SCAP: variants seen among roughly 807,000 people sequenced by gnomAD.
The protein encoded by SCAP is SREBF chaperone.
A neutral mutation model predicts 123.6 loss-of-function variants in SCAP; 65 were observed. The observed-to-expected ratio is 0.53, with a 90% CI of 0.43 to 0.65. The LOEUF is 0.65. SCAP is among the 30% of genes least tolerant of loss of function. The pLI is 0.00. For synonymous variants in SCAP, 740 were observed against 726.3 expected, an observed-to-expected ratio of 1.02 and a Z score of -0.30; for missense variants, 1,398 against 1,712.5, an observed-to-expected ratio of 0.82 and a Z score of 3.24.
At position 47,419,678 on chromosome 3, in the gene SCAP, G is replaced by C; in HGVS notation, c.1590C>G (p.Ile530Met). ...IMAGTVVWIGILVYTDPAGLR... is the reference protein window; with the variant it reads ...IMAGTVVWIGMLVYTDPAGLR... ...GCCCTGCTGGGTCTGTGTATACCAG[G>C]ATGCCAATCCAGACAACGGTGCCAG... Residue 530 changes from isoleucine (I) to methionine (M), a missense_variant, in exon 13 of 23, where the codon ATC becomes ATG. Transcript: ENST00000265565. The surrounding 1 kb of genome is among the most constrained non-coding windows in gnomAD (Gnocchi z 5.0). 2 of 1,526,648 alleles carry C rather than the reference G, an allele frequency of 1.3e-6. No homozygotes were observed. The highest frequency in any genetic ancestry group is 1.4e-5 in the African/African-American group (1 of 72,410). The allele number at this position is 1,526,648 out of a possible 1,614,324, so 94.6% of individuals were successfully genotyped here. A position where few individuals can be genotyped will look rare whatever the true frequency, so the allele number is the denominator to read the frequency against.
chr3:47,420,254 A>G lies in SCAP; in HGVS notation c.1563+300T>C, dbSNP rs1276717494. ...CCCGACCCAGGGCAATGTGGTGGCCACAAGTGGGTCCATCCCAGAGCACTC... is the reference window on the plus strand; with the variant it reads ...CCCGACCCAGGGCAATGTGGTGGCCGCAAGTGGGTCCATCCCAGAGCACTC... On this transcript the variant is annotated intron_variant, in intron 12 of 22. Transcript: ENST00000265565. The surrounding 1 kb of genome is among the most constrained non-coding windows in gnomAD (Gnocchi z 5.0). Among the ~76,000 whole-genome samples, 1 of 152,210 alleles carries G rather than the reference A, an allele frequency of 6.6e-6. No individual in the cohort carries two copies. Among genetic ancestry groups the G allele is most frequent in the Admixed American group, 6.5e-5 (1 of 15,286 alleles).
At chr3:47,418,287 C>T in intron 15 of SCAP, 34 bp downstream of exon 15, 1 of 1,552,998 alleles carries the variant, frequency 6.4e-7, no homozygotes, top group Non-Finnish European at 8.7e-7. Flanking sequence ...CAGGCTCCGG[C>T]CCTCCCCTAC....
chr3:47,460,644 C>T (rs1021947790), intron 1 of SCAP, among the ~76,000 whole-genome samples: 4 of 152,058 alleles, frequency 2.6e-5, no homozygotes, highest in African/African-American at 4.8e-5. Flanking sequence ...CCTCTGCCCC[C>T]GCCCCCAGGT....
chr3:47,432,314 G>GAAAA (rs11308011), intron 3 of SCAP, among the ~76,000 whole-genome samples: 9 of 75,598 alleles, frequency 1.2e-4, no homozygotes, highest in Admixed American at 1.7e-4. Flanking sequence ...ACTCCGTCTT[G>GAAAA]AAAAAAAAAA....
intron 1 of SCAP, among the ~76,000 whole-genome samples, chr3:47,454,671 C>G (rs1238617832): frequency 6.6e-6 from 1 of 151,896 alleles, no homozygotes; most frequent in South Asian, 2.1e-4. Flanking sequence ...TCGCTTGAAC[C>G]CAGGAGGCAG....
In SCAP at chr3:47,425,612, C is replaced by A; in HGVS notation, c.911-1G>T. ...TTGGACTTGACCATGTCGATCTTCCCTGGAGGGCAGAGAGGGCGTATCAGG... is the reference window on the plus strand; with the variant it reads ...TTGGACTTGACCATGTCGATCTTCCATGGAGGGCAGAGAGGGCGTATCAGG... On this transcript the variant is annotated splice_acceptor_variant, in intron 7 of 22. Coordinates refer to ENST00000265565, the MANE Select transcript of SCAP (RefSeq NM_012235.4). LOFTEE classifies it high-confidence loss of function. 1 of 1,613,946 alleles carries A rather than the reference C, an allele frequency of 6.2e-7. No homozygotes were observed. The highest frequency in any genetic ancestry group is 8.5e-7 in the Non-Finnish European group (1 of 1,180,012).
rs1559533881 is a variant in SCAP at position 47,414,094 on chromosome 3, C to G, written c.3600G>C (p.Leu1200=). The part of the protein sequence containing the change: ...GIKFYSIQQD[L]GCGASLGVIS... Reference sequence around the variant, plus strand: ...TGACACCCAAGCTTGCACCACAGCCCAGGTCCTGGAGGCAAGGACATGACA... The same window carrying G: ...TGACACCCAAGCTTGCACCACAGCCGAGGTCCTGGAGGCAAGGACATGACA... The change falls in exon 23 of 23, where the codon CTG becomes CTC. Residue 1200 remains leucine, a synonymous_variant. Coordinates refer to ENST00000265565, the MANE Select transcript of SCAP (RefSeq NM_012235.4). 6.2e-7 allele frequency: 1 copy of G among 1,613,458 alleles called. No homozygotes were observed. Among genetic ancestry groups the G allele is most frequent in the Non-Finnish European group, 8.5e-7 (1 of 1,180,028 alleles).
intron 18 of SCAP, 59 bp downstream of exon 18, chr3:47,417,063 G>T: frequency 6.8e-7 from 1 of 1,469,102 alleles, no homozygotes; most frequent in Non-Finnish European, 9.5e-7. Flanking sequence ...AGACTCAAGA[G>T]AGTATGGCCT....
At chr3:47,425,687 G>C in intron 7 of SCAP, 76 bp from the exon 8 acceptor site, 1 of 1,526,902 alleles carries the variant, frequency 6.5e-7, no homozygotes, top group South Asian at 1.2e-5. Context: ...GGAGTAGGTT[G>C]CCCTGACAGT....
Position 47,426,471 on chromosome 3 carries a change from G to A in SCAP, c.738-302C>T, listed in dbSNP as rs1320361112. ...TTTTATTTTTTGAGACAAGAGTCTCGCTGTCGCCCAGGCTGGAGTGCAGTG... is the reference window on the plus strand; with the variant it reads ...TTTTATTTTTTGAGACAAGAGTCTCACTGTCGCCCAGGCTGGAGTGCAGTG... On this transcript the variant is annotated intron_variant, in intron 6 of 22. Coordinates refer to ENST00000265565, the MANE Select transcript of SCAP (RefSeq NM_012235.4). Among the ~76,000 whole-genome samples the A allele has an allele frequency of 6.6e-5, 10 of 151,778 alleles. 1 individual carries two copies. Among genetic ancestry groups the A allele is most frequent in the Admixed American group, 2.6e-4 (4 of 15,238 alleles).
rs1559541394 is a variant in SCAP, at chr3:47,419,344, T to C, written c.1924A>G (p.Ile642Val). The C allele has an allele frequency of 6.2e-7, 1 of 1,611,906 alleles. No homozygotes were observed. Among genetic ancestry groups the C allele is most frequent in the Admixed American group, 1.7e-5 (1 of 59,972 alleles). The change falls in exon 13 of 23, where the codon ATC becomes GTC. Residue 642 changes from isoleucine (I) to valine (V), a missense_variant. Ile to Val is a conservative substitution (Grantham distance 29, BLOSUM62 3). Coordinates refer to ENST00000265565, the MANE Select transcript of SCAP (RefSeq NM_012235.4). The surrounding 1 kb of genome is among the most constrained non-coding windows in gnomAD (Gnocchi z 5.0). ...CCAGCTCACCTCTTGGCCAGTGTGATGTTGTAATAGCTGAAGAGCGTCGGC... is the reference window on the plus strand; with the variant it reads ...CCAGCTCACCTCTTGGCCAGTGTGACGTTGTAATAGCTGAAGAGCGTCGGC... Reference protein sequence around the residue: ...HWPTLFSYYNITLAKRYISLL... With the variant: ...HWPTLFSYYNVTLAKRYISLL...
intron 1 of SCAP, among the ~76,000 whole-genome samples, chr3:47,453,751 T>C (rs1163596158): frequency 1.3e-5 from 2 of 152,112 alleles, no homozygotes; most frequent in African/African-American, 4.8e-5. Context: ...ATCACAGTAA[T>C]GTTGGGATGC....
chr3:47,435,454 TATATA>T (rs1166048708), intron 2 of SCAP, among the ~76,000 whole-genome samples: 45 of 141,054 alleles, frequency 3.2e-4, no homozygotes, highest in African/African-American at 1.1e-3. Context: ...AACATTAACA[TATATA>T]ATATAAACAT....
At chr3:47,466,105 C>A (rs1707816219) in intron 1 of SCAP, among the ~76,000 whole-genome samples, 1 of 147,026 alleles carries the variant, frequency 6.8e-6, no homozygotes, top group Non-Finnish European at 1.5e-5. Flanking sequence ...TGCACTCCAG[C>A]CTGACAACAG....
In SCAP at chr3:47,419,871, A is replaced by T. The variant is rs1705812617; in HGVS notation, c.1564-167T>A. Among the ~76,000 whole-genome samples the T allele has an allele frequency of 6.6e-6, 1 of 152,178 alleles. No individual in the cohort carries two copies. Among genetic ancestry groups the T allele is most frequent in the Non-Finnish European group, 1.5e-5 (1 of 68,028 alleles). ...CCTGCCTCTCCAAGTCCTCCTGCTA[A>T]CACCTGCCAACACTTGCTGCTGGAG... On this transcript the variant is annotated intron_variant, in intron 12 of 22. Transcript: ENST00000265565. This position sits in a 1 kb window ranked among gnomAD's most constrained non-coding sequence, Gnocchi z 5.0.
At chr3:47,434,950 C>A (rs777111657) in intron 3 of SCAP, 58 bp downstream of exon 3, 8 of 1,610,190 alleles carry the variant, frequency 5.0e-6, no homozygotes, top group Admixed American at 3.3e-5. Context: ...AGACCCCTGC[C>A]TCAGCCAGTC....
intron 18 of SCAP, among the ~76,000 whole-genome samples, chr3:47,416,902 A>G (rs1435776768): frequency 6.6e-6 from 1 of 151,866 alleles, no homozygotes; most frequent in African/African-American, 2.4e-5. Flanking sequence ...CTGGGATTAC[A>G]GGCGTGAGCC....
chr3:47,457,635 C>T lies in SCAP; in HGVS notation c.-98-14544G>A, dbSNP rs146932538. Among the ~76,000 whole-genome samples the T allele has an allele frequency of 6.3e-3, 953 of 152,312 alleles. 4 individuals are homozygous for T. Among genetic ancestry groups the T allele is most frequent in the Non-Finnish European group, 0.011 (715 of 68,026 alleles). On this transcript the variant is annotated intron_variant, in intron 1 of 22. Transcript: ENST00000265565. ...GAAAATTACTTCTCTGGGCCGGGCACGGTGGCTCACGTCTATAATCCCAGC... is the reference window on the plus strand; with the variant it reads ...GAAAATTACTTCTCTGGGCCGGGCATGGTGGCTCACGTCTATAATCCCAGC...
rs370396440 is a variant in SCAP at position 47,413,826 on chromosome 3, C to T, written c.*28G>A. The T allele has an allele frequency of 8.7e-6, 14 of 1,603,400 alleles. No individual in the cohort carries two copies. In the African/African-American group the frequency reaches 1.3e-4, roughly 15 times the overall value. On this transcript the variant is annotated 3_prime_UTR_variant, in exon 23 of 23. Coordinates refer to ENST00000265565, the MANE Select transcript of SCAP (RefSeq NM_012235.4). Reference sequence around the variant, plus strand: ...ATTGGCCCCCACACAGCACCCCAGCCTCCTGCCTGGGCAAGGAGGCCCTGC... The same window carrying T: ...ATTGGCCCCCACACAGCACCCCAGCTTCCTGCCTGGGCAAGGAGGCCCTGC...
Sources: gnomAD v4.1 joint callset for allele counts (sites outside exome capture counted in the v4.1 genomes callset) on GRCh38, gnomAD v4.1.1 for gene constraint, Gnocchi (gnomAD v3.1) non-coding constraint, MANE v1.5 for transcripts, NCBI Gene and HGNC (gene_info 2026-07-23, HGNC 2026-07-21) for gene names.